Variants in SUCLG1 observed in about 807,000 individuals in gnomAD.
The protein encoded by SUCLG1 is succinate-CoA ligase GDP/ADP-forming subunit alpha, also known as succinate--CoA ligase [ADP/GDP-forming] subunit alpha, mitochondrial.
Under a neutral mutation model 37.3 loss-of-function variants are expected in SUCLG1, and 26 were observed. That is an observed-to-expected ratio of 0.70 (90% CI 0.51 to 0.97). The LOEUF is 0.97. Among genes scored for constraint, SUCLG1 ranks in the 50% least tolerant of loss-of-function variants. SUCLG1 has a pLI of 0.00. For missense variants in SUCLG1, 433 were observed against 432.9 expected (o/e 1.00, Z 0.00); for synonymous variants, 163 against 155.6 (o/e 1.05, Z -0.36).
At chr2:84,454,708 A>G (rs1430463781) in intron 1 of SUCLG1, among the ~76,000 whole-genome samples, 1 of 152,232 alleles carries the variant, frequency 6.6e-6, no homozygotes, top group Non-Finnish European at 1.5e-5. Flanking sequence ...ATGTGTTTTC[A>G]ACAGGGGTGA....
At chr2:84,436,274 T>C (rs1672685719) in intron 5 of SUCLG1, among the ~76,000 whole-genome samples, 2 of 152,256 alleles carry the variant, frequency 1.3e-5, no homozygotes, top group Non-Finnish European at 1.5e-5. Context: ...TTAAGAATTA[T>C]ATTAAAATCA....
chr2:84,432,198 A>C (rs1471206905), intron 6 of SUCLG1: 1 of 168,026 alleles, frequency 6.0e-6, no homozygotes, highest in Non-Finnish European at 1.3e-5. Flanking sequence ...GGATGATGAC[A>C]GAGCATGCAT....
chr2:84,458,894 A>C (rs1252685951), intron 1 of SUCLG1, among the ~76,000 whole-genome samples: 1 of 152,148 alleles, frequency 6.6e-6, no homozygotes, highest in African/African-American at 2.4e-5. Flanking sequence ...CGGGGCCGAG[A>C]GCAAGCTCCC....
chr2:84,441,665 T>C (rs1558612003), intron 3 of SUCLG1, among the ~76,000 whole-genome samples: 1 of 152,184 alleles, frequency 6.6e-6, no homozygotes, highest in African/African-American at 2.4e-5. Context: ...TGAATGCCAC[T>C]GTGAATTGAA....
intron 7 of SUCLG1, among the ~76,000 whole-genome samples, chr2:84,429,600 G>A (rs191325312): frequency 2.6e-5 from 4 of 152,164 alleles, no homozygotes; most frequent in Admixed American, 2.6e-4. Context: ...GAAGGAACAA[G>A]CAAAGGCAAG....
chr2:84,444,142 T>G (rs1672813993), intron 2 of SUCLG1, among the ~76,000 whole-genome samples: 1 of 152,214 alleles, frequency 6.6e-6, no homozygotes, highest in African/African-American at 2.4e-5. Context: ...CTGATTCATT[T>G]TCACTAGGCT....
At chr2:84,426,463 T>C (rs1672537117) in intron 7 of SUCLG1, 1 of 151,798 alleles carries the variant, frequency 6.6e-6, no homozygotes, top group Non-Finnish European at 1.5e-5. Context: ...GGTCAAGAGA[T>C]CGAGACCATC....
chr2:84,452,590 A>T (rs1672956978), intron 1 of SUCLG1, among the ~76,000 whole-genome samples: 1 of 152,100 alleles, frequency 6.6e-6, no homozygotes, highest in African/African-American at 2.4e-5. Context: ...GGTATACAAT[A>T]AACACCATCA....
chr2:84,436,060 A>G (rs1672683757), intron 5 of SUCLG1, among the ~76,000 whole-genome samples: 1 of 152,122 alleles, frequency 6.6e-6, no homozygotes, highest in Non-Finnish European at 1.5e-5. Context: ...ACCTTCCGGT[A>G]ACAAGAGGGC....
At chr2:84,425,653 A>G (rs773695530) in intron 7 of SUCLG1, 50 bp from the exon 8 acceptor site, 1 of 1,599,542 alleles carries the variant, frequency 6.3e-7, no homozygotes, top group Non-Finnish European at 8.6e-7. Flanking sequence ...GTCAATCAAA[A>G]CGGGACCTCA....
chr2:84,450,164 A>C (rs1672919297), intron 1 of SUCLG1, among the ~76,000 whole-genome samples: 1 of 152,156 alleles, frequency 6.6e-6, no homozygotes, highest in African/African-American at 2.4e-5. Flanking sequence ...ACTTGACCCA[A>C]ATTTTTAAAG....
rs1217352356 is a variant in SUCLG1 at position 84,437,234 on chromosome 2, A to C, written c.590-3799T>G. ...TCCCAAGAAGAGTTTTTATAGATAC[A>C]AACAAGATACTTTTAAATAAATATG... On this transcript the variant is annotated intron_variant, in intron 5 of 8. Transcript: ENST00000393868. Among the ~76,000 whole-genome samples the C allele has an allele frequency of 2.0e-5, 3 of 152,220 alleles. No individual in the cohort carries two copies. The East Asian group carries it at 5.8e-4, about 29-fold the overall frequency.
At chr2:84,445,360 G>C (rs1414740898) in intron 2 of SUCLG1, among the ~76,000 whole-genome samples, 2 of 152,042 alleles carry the variant, frequency 1.3e-5, no homozygotes, top group African/African-American at 2.4e-5. Context: ...CCTTGGTGAT[G>C]TCATCCCTTA....
chr2:84,457,656 A>G (rs1353200841), intron 1 of SUCLG1, among the ~76,000 whole-genome samples: 1 of 152,210 alleles, frequency 6.6e-6, no homozygotes. Flanking sequence ...CAGGTGGGCA[A>G]CTTCTTCCTA....
At chr2:84,432,593 AT>A (rs1558609209) in intron 6 of SUCLG1, 1 of 152,218 alleles carries the variant, frequency 6.6e-6, no homozygotes, top group Non-Finnish European at 1.5e-5. Flanking sequence ...TTCCACTTAT[AT>A]TGTGCTTTGC....
chr2:84,439,986 A>G (rs73942658), intron 5 of SUCLG1, among the ~76,000 whole-genome samples: 1,695 of 152,354 alleles, frequency 0.011, 29 homozygotes, highest in African/African-American at 0.039. Context: ...GAATGGCCTT[A>G]TAAGCACATG....
intron 2 of SUCLG1, chr2:84,448,893 T>C (rs1344451730): frequency 5.8e-6 from 2 of 343,572 alleles, no homozygotes; most frequent in Non-Finnish European, 1.2e-5. Flanking sequence ...TATGTTTGCA[T>C]GCACAAGAAA....
Position 84,433,116 on chromosome 2 carries a change from G to A in SUCLG1, c.673+236C>T, listed in dbSNP as rs957786. On this transcript the variant is annotated intron_variant, in intron 6 of 8. Transcript: ENST00000393868. ...ATGTTTTCAGGCACCAAGGTGCTTC[G>A]GGAGCCACGTGTTCCAAGATGTTAG... 502,928 of 565,734 alleles carry A rather than the reference G, an allele frequency of 0.89. 228,255 individuals carry two copies. Among genetic ancestry groups the A allele is most frequent in the East Asian group, 0.93 (30,646 of 32,802 alleles). The allele number at this position is 565,734 out of a possible 1,614,324, so 35.0% of individuals were successfully genotyped here.
intron 5 of SUCLG1, among the ~76,000 whole-genome samples, chr2:84,438,871 C>A (rs1672728546): frequency 6.6e-6 from 1 of 152,204 alleles, no homozygotes; most frequent in African/African-American, 2.4e-5. Context: ...TAAAAACCCA[C>A]CAATCAGCGC....
Sources: gnomAD v4.1 joint callset for allele counts (sites outside exome capture counted in the v4.1 genomes callset) on GRCh38, gnomAD v4.1.1 for gene constraint, MANE v1.5 for transcripts, NCBI Gene and HGNC (gene_info 2026-07-23, HGNC 2026-07-21) for gene names.